The following PCF11 variants were observed in gnomAD, a reference collection of about 807,000 sequenced individuals.
PCF11 encodes pre-mRNA cleavage complex 2 protein Pcf11.
PCF11 carries 19 observed loss-of-function variants against 166.1 expected under a neutral mutation model. The ratio of observed to expected loss-of-function variants is 0.11; its 90% confidence interval spans 0.08 to 0.17. PCF11 has a LOEUF of 0.17. PCF11 is among the 10% of genes least tolerant of loss of function. The pLI is 1.00. For missense variants in PCF11, 1,565 were observed against 1,855.5 expected, an observed-to-expected ratio of 0.84 and a Z score of 2.88; for synonymous variants, 663 against 644.1, an observed-to-expected ratio of 1.03 and a Z score of -0.44.
At chr11:83,169,391 G>T (rs771668279) in exon 8 of PCF11, 1 of 1,613,832 alleles carries the variant, frequency 6.2e-7, no homozygotes, top group East Asian at 2.2e-5. Flanking sequence ...GGTGGCCTGA[G>T]AATTGAAGGG....
exon 8 of PCF11, chr11:83,169,440 T>C (rs1315937312): frequency 6.2e-7 from 1 of 1,613,818 alleles, no homozygotes. Flanking sequence ...AAGGTTGTCA[T>C]GCTTTAAGGT....
At chr11:83,185,030 G>GT in exon 16 of PCF11, 2 of 575,984 alleles carry the variant, frequency 3.5e-6, no homozygotes, top group Non-Finnish European at 5.9e-6. Flanking sequence ...CTATCATTTG[G>GT]TTAATAAATA....
intron 1 of PCF11, 41 bp from the exon 2 acceptor site, chr11:83,161,286 G>T: frequency 6.6e-7 from 1 of 1,512,336 alleles, no homozygotes; most frequent in Non-Finnish European, 9.0e-7. Flanking sequence ...TTATTTGGTG[G>T]TAATTCATTA....
At chr11:83,164,707 G>C (rs1390153138) in intron 4 of PCF11, among the ~76,000 whole-genome samples, 3 of 150,472 alleles carry the variant, frequency 2.0e-5, no homozygotes, top group Non-Finnish European at 4.4e-5. Flanking sequence ...ACATAGTGAG[G>C]CCCTACCAAA....
At chr11:83,171,617 A>G (rs1355009349) in intron 8 of PCF11, among the ~76,000 whole-genome samples, 1 of 152,236 alleles carries the variant, frequency 6.6e-6, no homozygotes, top group African/African-American at 2.4e-5. Context: ...TTATACCTCT[A>G]TGAAACAGAT....
chr11:83,167,396 T>C lies in PCF11; in HGVS notation c.2002-19T>C. On this transcript the variant is annotated intron_variant, in intron 6 of 15. Transcript: ENST00000298281. This position sits in a 1 kb window ranked among gnomAD's most constrained non-coding sequence, Gnocchi z 4.2. ...TTTATATTTAAAATATTTTATTTCCTTTTATCACCCCTATACAGACGAGTG... is the reference window on the plus strand; with the variant it reads ...TTTATATTTAAAATATTTTATTTCCCTTTATCACCCCTATACAGACGAGTG... 1.3e-6 allele frequency: 2 copies of C among 1,544,372 alleles called. No individual in the cohort carries two copies. The highest frequency in any genetic ancestry group is 2.2e-5 in the Admixed American group (1 of 46,016).
At chr11:83,173,587 G>A (rs1339908441) in intron 9 of PCF11, among the ~76,000 whole-genome samples, 2 of 149,342 alleles carry the variant, frequency 1.3e-5, no homozygotes, top group East Asian at 3.9e-4. Flanking sequence ...CTTGTAACTT[G>A]TCAAGTGCTA....
chr11:83,161,521 C>T, intron 2 of PCF11, 69 bp downstream of exon 2: 5 of 1,238,100 alleles, frequency 4.0e-6, no homozygotes, highest in Non-Finnish European at 3.3e-6. Flanking sequence ...TAAATATTTG[C>T]TTTGTGTTGG....
At chr11:83,166,370 T>G (rs746377032) in exon 5 of PCF11, 21 of 1,613,724 alleles carry the variant, frequency 1.3e-5, no homozygotes, top group Non-Finnish European at 1.8e-5. Flanking sequence ...GGTCACCAAT[T>G]ATACATTCCC....
At chr11:83,181,615 T>A (rs776359088) in intron 12 of PCF11, among the ~76,000 whole-genome samples, 1 of 149,954 alleles carries the variant, frequency 6.7e-6, no homozygotes, top group Non-Finnish European at 1.5e-5. Context: ...AAAAAAAAAA[T>A]ATACTTGAAG....
rs1367813079 is a variant in PCF11 at position 83,167,337 on chromosome 11, CATCATT to C, written c.2001+33_2001+38del. On this transcript the variant is annotated intron_variant, in intron 6 of 15. Transcript: ENST00000298281. The surrounding 1 kb of genome is among the most constrained non-coding windows in gnomAD (Gnocchi z 4.2). Reference sequence around the variant, plus strand: ...GTTACTATGATTAATCCCATGTAGTCATCATTATCTATCGTCTATTTTTTTGGTATT... The same window carrying C: ...GTTACTATGATTAATCCCATGTAGTCATCTATCGTCTATTTTTTTGGTATT... 30 of 1,565,260 alleles carry C rather than the reference CATCATT, an allele frequency of 1.9e-5. No homozygotes were observed. Among genetic ancestry groups the C allele is most frequent in the Non-Finnish European group, 2.3e-5 (27 of 1,155,524 alleles).
intron 2 of PCF11, among the ~76,000 whole-genome samples, 196 bp from the exon 3 acceptor site, chr11:83,163,483 G>T (rs913335697): frequency 6.6e-6 from 1 of 152,074 alleles, no homozygotes; most frequent in Non-Finnish European, 1.5e-5. Flanking sequence ...TTGCATGAAG[G>T]CTAGGTGAAA....
At chr11:83,160,866 A>G (rs1860221234) in intron 1 of PCF11, among the ~76,000 whole-genome samples, 1 of 152,204 alleles carries the variant, frequency 6.6e-6, no homozygotes, top group Non-Finnish European at 1.5e-5. Context: ...CAGGTAACAA[A>G]AGCTTCATAG....
rs1860687237 is a variant in PCF11 at position 83,171,451 on chromosome 11, G to A, written c.3661-367G>A. ...CAGTTCTTCTATTTGTAAAATAAGGGAAAGCACCAGCAAGGTAAAGTGACT... is the reference window on the plus strand; with the variant it reads ...CAGTTCTTCTATTTGTAAAATAAGGAAAAGCACCAGCAAGGTAAAGTGACT... On this transcript the variant is annotated intron_variant, in intron 8 of 15. Transcript: ENST00000298281. Among the ~76,000 whole-genome samples the A allele has an allele frequency of 2.0e-5, 3 of 152,144 alleles. No homozygotes were observed. In the South Asian group the frequency reaches 6.2e-4, roughly 31 times the overall value.
chr11:83,173,812 C>T (rs1207616888), intron 9 of PCF11, among the ~76,000 whole-genome samples: 1 of 147,492 alleles, frequency 6.8e-6, no homozygotes, highest in Non-Finnish European at 1.5e-5. Flanking sequence ...TCACTGCAAC[C>T]TCTGCCTCCT....
exon 9 of PCF11, chr11:83,171,875 G>T (rs1050162206): frequency 1.2e-6 from 2 of 1,601,888 alleles, no homozygotes; most frequent in African/African-American, 2.7e-5. Context: ...GTTTTTACCA[G>T]TTCATCCACA....
At chr11:83,158,907 A>G (rs1465561015) in intron 1 of PCF11, 1 of 152,192 alleles carries the variant, frequency 6.6e-6, no homozygotes, top group African/African-American at 2.4e-5. Context: ...TACCTTTGTA[A>G]GGTGTAGAAT....
chr11:83,163,813 C>T (rs750220634), exon 3 of PCF11: 2 of 1,586,288 alleles, frequency 1.3e-6, no homozygotes, highest in Non-Finnish European at 1.7e-6. Context: ...AACCTCTACC[C>T]CCCAATGTGA....
intron 4 of PCF11, 127 bp from the exon 5 acceptor site, chr11:83,165,473 A>G (rs1286308259): frequency 3.2e-6 from 2 of 634,722 alleles, no homozygotes; most frequent in Non-Finnish European, 5.1e-6. Flanking sequence ...TTATAAGTGT[A>G]CAATTTAAAT....
Sources: allele counts gnomAD v4.1 joint callset (sites outside exome capture counted in the v4.1 genomes callset), GRCh38; gene constraint gnomAD v4.1.1; non-coding constraint Gnocchi (gnomAD v3.1); transcripts MANE v1.5; gene names NCBI Gene and HGNC (gene_info 2026-07-23, HGNC 2026-07-21).